QTMAN: variants seen among roughly 807,000 people sequenced by gnomAD.
QTMAN encodes queuosine-tRNA mannosyltransferase.
the QTMAN span, among the ~76,000 whole-genome samples, chr2:144,289,093 G>C: frequency 6.7e-6 from 1 of 148,294 alleles, no homozygotes; most frequent in South Asian, 2.1e-4. Flanking sequence ...GAGCGCAGTG[G>C]TGCGATCTCC....
At chr2:143,958,356 C>T in the QTMAN span, among the ~76,000 whole-genome samples, 132 of 152,088 alleles carry the variant, frequency 8.7e-4, no homozygotes, top group African/African-American at 3.0e-3. Flanking sequence ...TTAAGAAGAG[C>T]TTGGTCCTGG....
chr2:144,170,175 T>C, the QTMAN span, among the ~76,000 whole-genome samples: 6 of 152,200 alleles, frequency 3.9e-5, no homozygotes, highest in African/African-American at 1.4e-4. Context: ...TCCCTTATTA[T>C]TGGCCAGTGG....
the QTMAN span, among the ~76,000 whole-genome samples, chr2:143,999,772 C>T: frequency 8.2e-3 from 1,243 of 152,178 alleles, 15 homozygotes; most frequent in African/African-American, 0.028. Flanking sequence ...AGATGACTGT[C>T]ATAAGCATAC....
At chr2:144,076,883 C>T in the QTMAN span, among the ~76,000 whole-genome samples, 3 of 152,120 alleles carry the variant, frequency 2.0e-5, no homozygotes, top group East Asian at 5.8e-4. Flanking sequence ...CTTTGAGATG[C>T]TGAGGCAGGA....
chr2:144,117,509 A>C, the QTMAN span, among the ~76,000 whole-genome samples: 2 of 152,246 alleles, frequency 1.3e-5, no homozygotes, highest in Non-Finnish European at 2.9e-5. Context: ...ACGGCAATGC[A>C]TAATTTTCTA....
chr2:144,255,148 T>C, the QTMAN span, among the ~76,000 whole-genome samples: 4 of 152,172 alleles, frequency 2.6e-5, no homozygotes, highest in African/African-American at 9.7e-5. Flanking sequence ...TGATTGTGTT[T>C]TGAAATGTGA....
At chr2:144,287,710 T>C in the QTMAN span, among the ~76,000 whole-genome samples, 6 of 152,176 alleles carry the variant, frequency 3.9e-5, no homozygotes, top group South Asian at 1.0e-3. Context: ...AAGAGAGTAG[T>C]GTCCTCATCA....
chr2:144,133,367 AAT>A, the QTMAN span, among the ~76,000 whole-genome samples: 1 of 55,374 alleles, frequency 1.8e-5, no homozygotes, highest in South Asian at 4.5e-4. Flanking sequence ...TATATAATAT[AAT>A]ATATAATAAT....
chr2:144,133,456 A>AATATATAAT, the QTMAN span, among the ~76,000 whole-genome samples: 5 of 44,434 alleles, frequency 1.1e-4, no homozygotes, highest in East Asian at 1.1e-3. Flanking sequence ...TATAATATAT[A>AATATATAAT]ATATATATTA....
At chr2:144,265,351 T>G in the QTMAN span, among the ~76,000 whole-genome samples, 1 of 152,312 alleles carries the variant, frequency 6.6e-6, no homozygotes, top group African/African-American at 2.4e-5. Context: ...TTACAAAATA[T>G]GGGAAACATA....
the QTMAN span, among the ~76,000 whole-genome samples, chr2:144,131,087 A>C: frequency 6.6e-6 from 1 of 151,974 alleles, no homozygotes; most frequent in Admixed American, 6.6e-5. Flanking sequence ...TAATTTGAGC[A>C]GTATCAAGTA....
chr2:144,002,621 ATGAAC>A, the QTMAN span, among the ~76,000 whole-genome samples: 1 of 152,000 alleles, frequency 6.6e-6, no homozygotes, highest in Admixed American at 6.6e-5. Flanking sequence ...AAATTGTATA[ATGAAC>A]TGTGTCAACA....
At chr2:143,946,999 A>G in the QTMAN span, 16 of 1,287,008 alleles carry the variant, frequency 1.2e-5, no homozygotes, top group African/African-American at 7.4e-5. Flanking sequence ...CACACTCTGG[A>G]AAGTTCTTCA....
chr2:144,311,767 T>G, the QTMAN span, among the ~76,000 whole-genome samples: 1 of 152,226 alleles, frequency 6.6e-6, no homozygotes, highest in Non-Finnish European at 1.5e-5. Flanking sequence ...ATTCCCATAG[T>G]ACTGCCACTT....
the QTMAN span, among the ~76,000 whole-genome samples, chr2:144,046,093 A>C: frequency 6.6e-6 from 1 of 152,242 alleles, no homozygotes; most frequent in African/African-American, 2.4e-5. Context: ...AAGGAGAATC[A>C]TAACCAATTT....
chr2:144,125,641 T>C, the QTMAN span, among the ~76,000 whole-genome samples: 2 of 152,054 alleles, frequency 1.3e-5, no homozygotes, highest in Non-Finnish European at 2.9e-5. Context: ...AAATGCAAGA[T>C]ATCATCATCA....
chr2:143,995,647 T>C, the QTMAN span, among the ~76,000 whole-genome samples: 4 of 152,208 alleles, frequency 2.6e-5, no homozygotes, highest in Admixed American at 2.6e-4. Flanking sequence ...ACTCAGAACC[T>C]ACTATGCTAT....
the QTMAN span, among the ~76,000 whole-genome samples, chr2:144,222,921 T>G: frequency 6.6e-6 from 1 of 152,146 alleles, no homozygotes. Flanking sequence ...AGAGAGAGAT[T>G]TGCATTTTAA....
At chr2:143,994,636 C>T in the QTMAN span, among the ~76,000 whole-genome samples, 9 of 152,040 alleles carry the variant, frequency 5.9e-5, no homozygotes, top group Non-Finnish European at 7.4e-5. Flanking sequence ...AGAAACCAGA[C>T]GTAAAAGACC....
Sources: allele counts gnomAD v4.1 joint callset (sites outside exome capture counted in the v4.1 genomes callset), GRCh38; gene constraint gnomAD v4.1.1; transcripts MANE v1.5; gene names NCBI Gene and HGNC (gene_info 2026-07-23, HGNC 2026-07-21).